SLC39A10: variants seen among roughly 807,000 people sequenced by gnomAD.
The protein encoded by SLC39A10 is solute carrier family 39 member 10.
Under a neutral mutation model 65.1 loss-of-function variants are expected in SLC39A10, and 13 were observed. That is an observed-to-expected ratio of 0.20 (90% CI 0.13 to 0.32). The LOEUF (loss-of-function observed/expected upper bound fraction) is 0.32. Ranked by LOEUF, SLC39A10 falls within the 10% of genes least tolerant of loss-of-function variation. SLC39A10 has a pLI of 1.00. For synonymous variants in SLC39A10, 321 were observed against 342.2 expected (o/e 0.94, Z 0.68); for missense variants, 831 against 1,018.4 (o/e 0.82, Z 2.50).
At chr2:195,730,733 T>C (rs1241762133) in intron 9 of SLC39A10, among the ~76,000 whole-genome samples, 3 of 152,242 alleles carry the variant, frequency 2.0e-5, no homozygotes, top group Non-Finnish European at 4.4e-5. Flanking sequence ...TGTACTTGAA[T>C]GTCTAAAAGG....
At chr2:195,639,419 T>C (rs1202169778) in intron 2 of SLC39A10, among the ~76,000 whole-genome samples, 2 of 152,214 alleles carry the variant, frequency 1.3e-5, no homozygotes, top group East Asian at 3.8e-4. Context: ...TGATTTATCA[T>C]TGTTGATGTT....
chr2:195,703,438 G>A (rs1691270926), intron 3 of SLC39A10, among the ~76,000 whole-genome samples: 1 of 151,980 alleles, frequency 6.6e-6, no homozygotes. Flanking sequence ...GTTATCAAAA[G>A]ATATAGGATC....
At chr2:195,640,887 GA>G (rs1688800006) in intron 2 of SLC39A10, among the ~76,000 whole-genome samples, 1 of 152,176 alleles carries the variant, frequency 6.6e-6, no homozygotes, top group African/African-American at 2.4e-5. Flanking sequence ...AGGATAAAGA[GA>G]AAATATTAAT....
intron 1 of SLC39A10, among the ~76,000 whole-genome samples, chr2:195,671,959 C>CT (rs760834067): frequency 0.034 from 5,031 of 145,850 alleles, 100 homozygotes; most frequent in Middle Eastern, 0.057. Flanking sequence ...GAGCGGTCAT[C>CT]TTTTTTTTTT....
At chr2:195,704,435 CTA>C (rs1320823089) in intron 3 of SLC39A10, among the ~76,000 whole-genome samples, 1 of 152,152 alleles carries the variant, frequency 6.6e-6, no homozygotes, top group African/African-American at 2.4e-5. Context: ...CTTTTTATCT[CTA>C]TTTTTTTCTT....
chr2:195,667,256 A>G (rs943695763), intron 1 of SLC39A10, among the ~76,000 whole-genome samples: 1 of 152,170 alleles, frequency 6.6e-6, no homozygotes, highest in Admixed American at 6.5e-5. Context: ...CAAACTGTGA[A>G]TATGATTTCC....
intron 9 of SLC39A10, among the ~76,000 whole-genome samples, chr2:195,731,998 A>G (rs1692447058): frequency 1.3e-5 from 2 of 152,232 alleles, no homozygotes; most frequent in South Asian, 2.1e-4. Context: ...AACACTCTAA[A>G]TGTTCAAGAG....
chr2:195,637,864 G>A (rs1227715652), intron 2 of SLC39A10, among the ~76,000 whole-genome samples: 1 of 152,182 alleles, frequency 6.6e-6, no homozygotes, highest in Non-Finnish European at 1.5e-5. Flanking sequence ...AGCTGCTGGA[G>A]TTGAGATTTC....
intron 3 of SLC39A10, among the ~76,000 whole-genome samples, chr2:195,697,316 C>T (rs576065138): frequency 2.0e-4 from 31 of 152,294 alleles, no homozygotes; most frequent in Non-Finnish European, 3.2e-4. Context: ...GAACTAATTT[C>T]TGCAGATACC....
At chr2:195,692,882 A>C (rs1690797626) in intron 3 of SLC39A10, among the ~76,000 whole-genome samples, 1 of 152,130 alleles carries the variant, frequency 6.6e-6, no homozygotes, top group Non-Finnish European at 1.5e-5. Flanking sequence ...AGAAGTGGTG[A>C]AAGTGGCATC....
chr2:195,725,201 C>G (rs1486783753), intron 8 of SLC39A10, among the ~76,000 whole-genome samples: 2 of 152,082 alleles, frequency 1.3e-5, no homozygotes, highest in African/African-American at 4.8e-5. Context: ...TAGAATATCT[C>G]TGTGTCTTTG....
At chr2:195,694,680 G>C (rs1442875835) in intron 3 of SLC39A10, among the ~76,000 whole-genome samples, 2 of 152,254 alleles carry the variant, frequency 1.3e-5, no homozygotes, top group East Asian at 3.9e-4. Context: ...CACTGTGAAG[G>C]TCCTTGATTT....
intron 3 of SLC39A10, among the ~76,000 whole-genome samples, chr2:195,696,331 A>C (rs1274132683): frequency 2.6e-5 from 4 of 151,842 alleles, no homozygotes; most frequent in African/African-American, 7.3e-5. Flanking sequence ...AAAAAAAAAA[A>C]AAAACCTATC....
chr2:195,694,397 T>C (rs975666452), intron 3 of SLC39A10, among the ~76,000 whole-genome samples: 2 of 152,092 alleles, frequency 1.3e-5, no homozygotes, highest in African/African-American at 4.8e-5. Flanking sequence ...GTCAGTGGAG[T>C]ATTAAAGTCA....
chr2:195,618,401 A>G (rs1186653823), intron 2 of SLC39A10, among the ~76,000 whole-genome samples: 3 of 152,062 alleles, frequency 2.0e-5, no homozygotes. Context: ...AGTATTGAGA[A>G]AGGAAAGCAA....
chr2:195,614,609 A>C (rs1688167012), intron 2 of SLC39A10, among the ~76,000 whole-genome samples: 1 of 152,272 alleles, frequency 6.6e-6, no homozygotes, highest in Middle Eastern at 3.4e-3. Flanking sequence ...ATATCAAAAA[A>C]CCCCCTTAAA....
chr2:195,708,316 A>C (rs1691481751), intron 4 of SLC39A10, among the ~76,000 whole-genome samples: 1 of 152,328 alleles, frequency 6.6e-6, no homozygotes. Context: ...CATTTTTACT[A>C]AATATTTGGC....
intron 2 of SLC39A10, among the ~76,000 whole-genome samples, chr2:195,636,852 A>G (rs1396970905): frequency 2.0e-5 from 3 of 152,198 alleles, no homozygotes; most frequent in Non-Finnish European, 2.9e-5. Flanking sequence ...CCTAGGCAAC[A>G]TGGAGAAACC....
chr2:195,650,424 G>C (rs964295201), intron 2 of SLC39A10, among the ~76,000 whole-genome samples: 1 of 152,092 alleles, frequency 6.6e-6, no homozygotes, highest in Non-Finnish European at 1.5e-5. Context: ...TTCTGAGTAG[G>C]TCTTTCTCTT....
Sources: allele counts gnomAD v4.1 joint callset (sites outside exome capture counted in the v4.1 genomes callset), GRCh38; gene constraint gnomAD v4.1.1; transcripts MANE v1.5; gene names NCBI Gene and HGNC (gene_info 2026-07-23, HGNC 2026-07-21).